NR5A2: variants seen among roughly 807,000 people sequenced by gnomAD.
The protein encoded by NR5A2 is CYP7A promoter-binding factor.
A neutral mutation model predicts 62.7 loss-of-function variants in NR5A2; 26 were observed. That is an observed-to-expected ratio of 0.41 (90% confidence interval 0.30 to 0.58). The LOEUF is 0.58. Among genes scored for constraint, NR5A2 ranks in the 20% least tolerant of loss-of-function variants. The pLI is 0.22. For synonymous variants in NR5A2, 246 were observed against 241.7 expected (o/e 1.02, Z -0.16); for missense variants, 541 against 669.1 (o/e 0.81, Z 2.11).
chr1:200,065,692 C>T (rs1223988614), intron 5 of NR5A2, among the ~76,000 whole-genome samples: 1 of 152,088 alleles, frequency 6.6e-6, no homozygotes, highest in Non-Finnish European at 1.5e-5. Context: ...CAGTATGTGT[C>T]AAGCCCTGTT....
At chr1:200,114,680 A>C (rs184032156) in intron 6 of NR5A2, among the ~76,000 whole-genome samples, 1 of 152,362 alleles carries the variant, frequency 6.6e-6, no homozygotes, top group Non-Finnish European at 1.5e-5. Flanking sequence ...CATCAAAACT[A>C]GGCCAGCGCA....
chr1:200,160,487 C>T (rs1338762835), intron 7 of NR5A2, among the ~76,000 whole-genome samples: 2 of 152,228 alleles, frequency 1.3e-5, no homozygotes, highest in African/African-American at 4.8e-5. Flanking sequence ...GAATCGGGCT[C>T]TTAGCCTCAC....
chr1:200,097,910 G>T (rs550448020), intron 5 of NR5A2, among the ~76,000 whole-genome samples: 42 of 152,330 alleles, frequency 2.8e-4, no homozygotes, highest in African/African-American at 8.9e-4. Flanking sequence ...CAGTGCAAAA[G>T]AGCTAGGTGT....
chr1:200,040,376 C>T (rs1662007442), intron 2 of NR5A2, among the ~76,000 whole-genome samples: 1 of 152,218 alleles, frequency 6.6e-6, no homozygotes, highest in Admixed American at 6.5e-5. Context: ...TACCCCAACC[C>T]CATCCCCTGT....
intron 6 of NR5A2, 47 bp downstream of exon 6, chr1:200,111,368 C>T (rs1571497089): frequency 6.4e-7 from 1 of 1,567,846 alleles, no homozygotes. Context: ...TTTTATTAAG[C>T]ATGTTCAGAA....
At position 200,147,708 on chromosome 1, in the gene NR5A2, C is replaced by T; in HGVS notation, c.1379-26255C>T. 1.5e-6 allele frequency: 1 copy of T among 658,000 alleles called. No individual in the cohort carries two copies. Among genetic ancestry groups the T allele is most frequent in the Non-Finnish European group, 2.9e-6 (1 of 347,536 alleles). 40.8% of individuals were successfully genotyped at this position (658,000 alleles called of 1,614,324 possible). ...ACTTGGGCTCCGAGGCGATCTCCTC[C>T]AGCTCCTCCCTGAGCGCCTCTCCCA... On this transcript the variant is annotated intron_variant, in intron 7 of 7. Transcript: ENST00000367362. This position sits in a 1 kb window ranked among gnomAD's most constrained non-coding sequence, Gnocchi z 4.9.
At chr1:200,069,461 A>G (rs1310743624) in intron 5 of NR5A2, among the ~76,000 whole-genome samples, 3 of 152,190 alleles carry the variant, frequency 2.0e-5, no homozygotes. Context: ...GAGTTTCACC[A>G]TATTGGTCAG....
intron 5 of NR5A2, among the ~76,000 whole-genome samples, chr1:200,078,324 A>G (rs1438401049): frequency 6.6e-6 from 1 of 152,158 alleles, no homozygotes; most frequent in Non-Finnish European, 1.5e-5. Context: ...TTGCTTTAGA[A>G]CAGGAAAGGA....
At position 200,068,421 on chromosome 1, in the gene NR5A2, C is replaced by T. The variant is rs140072546; in HGVS notation, c.1110+19603C>T. Among the ~76,000 whole-genome samples, 693 of 152,080 alleles carry T rather than the reference C, an allele frequency of 4.6e-3. 4 individuals are homozygous for T. Among genetic ancestry groups the T allele is most frequent in the Non-Finnish European group, 8.3e-3 (562 of 68,004 alleles). On this transcript the variant is annotated intron_variant, in intron 5 of 7. Transcript: ENST00000367362. ...AACAGGACTTAGTTTCCCACTACTT[C>T]GAAACTTACTTAATTTACTTCTAGT...
At chr1:200,155,351 T>G (rs16846138) in intron 7 of NR5A2, among the ~76,000 whole-genome samples, 1,891 of 152,252 alleles carry the variant, frequency 0.012, 37 homozygotes, top group African/African-American at 0.044. Context: ...AAGATAGAGA[T>G]AAAATGAAGC....
At chr1:200,171,990 A>T (rs7530539) in intron 7 of NR5A2, among the ~76,000 whole-genome samples, 13 of 152,290 alleles carry the variant, frequency 8.5e-5, no homozygotes, top group African/African-American at 3.1e-4. Flanking sequence ...CTTTCTAAAA[A>T]GGGTATTCTT....
Position 200,048,312 on chromosome 1 carries a change from G to T in NR5A2, c.604G>T (p.Ala202Ser). ...KLEAMSQVIQ[A>S]MPSDLTISSA... Reference sequence around the variant, plus strand: ...AGAAGCCATGTCTCAGGTGATCCAAGCTATGCCCTCTGACCTGACCATTTC... The same window carrying T: ...AGAAGCCATGTCTCAGGTGATCCAATCTATGCCCTCTGACCTGACCATTTC... Residue 202 changes from alanine to serine, a missense_variant, in exon 5 of 8, where the codon GCT (alanine) becomes TCT (serine). Transcript: ENST00000367362. This position sits in a 1 kb window ranked among gnomAD's most constrained non-coding sequence, Gnocchi z 4.8. 6.2e-7 allele frequency: 1 copy of T among 1,614,132 alleles called. No homozygotes were observed. Among genetic ancestry groups the T allele is most frequent in the East Asian group, 2.2e-5 (1 of 44,872 alleles).
At chr1:200,091,461 C>T (rs979116653) in intron 5 of NR5A2, among the ~76,000 whole-genome samples, 1 of 151,472 alleles carries the variant, frequency 6.6e-6, no homozygotes, top group South Asian at 2.1e-4. Context: ...TGATTTTGCA[C>T]CTCCTTACCC....
Position 200,038,638 on chromosome 1 carries a change from C to T in NR5A2, c.65-1020C>T, listed in dbSNP as rs573795214. 6 of 1,145,452 alleles carry T rather than the reference C, an allele frequency of 5.2e-6. No homozygotes were observed. In the African/African-American group the frequency reaches 6.3e-5, roughly 12 times the overall value. The allele number at this position is 1,145,452 out of a possible 1,614,324, so 71.0% of individuals were successfully genotyped here. ...GTTTAACTCCCTTCATCTCCTCATC[C>T]GACACACTAGCAAGGGCACACGCCC... On this transcript the variant is annotated intron_variant, in intron 1 of 7. Transcript: ENST00000367362.
chr1:200,064,023 C>T (rs771313634), intron 5 of NR5A2, among the ~76,000 whole-genome samples: 4 of 152,076 alleles, frequency 2.6e-5, no homozygotes, highest in Non-Finnish European at 5.9e-5. Flanking sequence ...GTGGCTTATG[C>T]CTGTAATCCC....
chr1:200,030,573 T>C (rs1404150698), intron 1 of NR5A2, among the ~76,000 whole-genome samples: 1 of 152,230 alleles, frequency 6.6e-6, no homozygotes, highest in Non-Finnish European at 1.5e-5. Context: ...GGGATGATTC[T>C]ATTGAATAAT....
intron 7 of NR5A2, among the ~76,000 whole-genome samples, chr1:200,132,344 G>A (rs1367053833): frequency 3.3e-5 from 5 of 152,120 alleles, no homozygotes; most frequent in Admixed American, 2.0e-4. Flanking sequence ...CAAAGAGAAG[G>A]AAACTCCTGT....
intron 6 of NR5A2, among the ~76,000 whole-genome samples, chr1:200,114,606 A>G (rs1666131494): frequency 6.6e-6 from 1 of 152,232 alleles, no homozygotes; most frequent in Non-Finnish European, 1.5e-5. Flanking sequence ...GTTATCTACC[A>G]GAGAGAATTG....
intron 7 of NR5A2, among the ~76,000 whole-genome samples, chr1:200,122,877 C>T (rs543216413): frequency 3.9e-5 from 6 of 152,236 alleles, no homozygotes; most frequent in African/African-American, 1.4e-4. Flanking sequence ...TAGTAAAATT[C>T]AAGTAGTTTC....
Sources: allele counts gnomAD v4.1 joint callset (sites outside exome capture counted in the v4.1 genomes callset), GRCh38; gene constraint gnomAD v4.1.1; non-coding constraint Gnocchi (gnomAD v3.1); transcripts MANE v1.5; gene names NCBI Gene and HGNC (gene_info 2026-07-23, HGNC 2026-07-21).